Variants in ITGAV observed in about 807,000 individuals in gnomAD.
ITGAV encodes integrin alpha-V.
Under a neutral mutation model 143.8 loss-of-function variants are expected in ITGAV, and 76 were observed. That is an observed-to-expected ratio of 0.53 (90% confidence interval 0.44 to 0.64). ITGAV has a LOEUF of 0.64. Ranked by LOEUF, ITGAV falls within the 30% of genes least tolerant of loss-of-function variation. ITGAV has a pLI of 0.00. For synonymous variants in ITGAV, 453 were observed against 446.7 expected (o/e 1.01, Z -0.18); for missense variants, 1,193 against 1,274.7 (o/e 0.94, Z 0.98).
rs141680195 is a variant in ITGAV at position 186,652,620 on chromosome 2, G to A, written c.1505+531G>A. ...TTTTAAAGAATTATGCGTGGTCAATGAATATTTTCAAAAAGAAAGAAAAGC... is the reference window on the plus strand; with the variant it reads ...TTTTAAAGAATTATGCGTGGTCAATAAATATTTTCAAAAAGAAAGAAAAGC... On this transcript the variant is annotated intron_variant, in intron 15 of 29. Coordinates refer to ENST00000261023, the MANE Select transcript of ITGAV (RefSeq NM_002210.5). 2.5e-3 allele frequency among the ~76,000 whole-genome samples: 383 copies of A among 152,170 alleles called. 3 individuals carry two copies. The highest frequency in any genetic ancestry group is 8.5e-3 in the African/African-American group (353 of 41,520).
At chr2:186,598,224 A>AT (rs1486990945) in intron 1 of ITGAV, among the ~76,000 whole-genome samples, 4 of 151,424 alleles carry the variant, frequency 2.6e-5, no homozygotes, top group African/African-American at 9.7e-5. Context: ...TAGTTGTGTG[A>AT]TTTTGGGGTC....
intron 2 of ITGAV, among the ~76,000 whole-genome samples, chr2:186,603,668 T>G (rs572884591): frequency 2.6e-5 from 4 of 152,312 alleles, no homozygotes; most frequent in African/African-American, 9.6e-5. Flanking sequence ...AGTTTAGATT[T>G]TGATAGGTCG....
At chr2:186,649,960 T>A (rs956411241) in intron 14 of ITGAV, 75 bp downstream of exon 14, 14 of 989,850 alleles carry the variant, frequency 1.4e-5, no homozygotes, top group Non-Finnish European at 2.1e-5. Context: ...GTGTCAGTGT[T>A]TGAATTTTAG....
At chr2:186,625,633 G>A in intron 4 of ITGAV, 46 bp downstream of exon 4, 2 of 1,199,568 alleles carry the variant, frequency 1.7e-6, no homozygotes, top group Non-Finnish European at 2.4e-6. Flanking sequence ...GGGGTGGGAA[G>A]CCTAGTTTGT....
At chr2:186,612,337 T>C (rs1687238891) in intron 2 of ITGAV, among the ~76,000 whole-genome samples, 2 of 152,004 alleles carry the variant, frequency 1.3e-5, no homozygotes, top group Non-Finnish European at 2.9e-5. Context: ...AAAGTCTCTT[T>C]GCTTAGAAAT....
intron 12 of ITGAV, among the ~76,000 whole-genome samples, chr2:186,645,691 G>A (rs913854353): frequency 3.3e-5 from 5 of 152,138 alleles, no homozygotes; most frequent in Admixed American, 1.3e-4. Flanking sequence ...GTTTAAGGCC[G>A]GGCGCGTGGT....
At chr2:186,617,900 A>G (rs1017496972) in intron 2 of ITGAV, among the ~76,000 whole-genome samples, 4 of 152,082 alleles carry the variant, frequency 2.6e-5, no homozygotes, top group Middle Eastern at 3.2e-3. Context: ...GAGTTTCTGC[A>G]GTTGTCTGTG....
intron 7 of ITGAV, among the ~76,000 whole-genome samples, chr2:186,636,482 G>C (rs1687950282): frequency 6.6e-6 from 1 of 152,152 alleles, no homozygotes; most frequent in Non-Finnish European, 1.5e-5. Context: ...AAGGTGACTT[G>C]GTTTGTATTC....
chr2:186,609,151 T>C (rs1028008405), intron 2 of ITGAV, among the ~76,000 whole-genome samples: 5 of 152,122 alleles, frequency 3.3e-5, no homozygotes, highest in Non-Finnish European at 5.9e-5. Context: ...AAAGGGTGCC[T>C]TTTTCTCCTT....
At chr2:186,640,998 T>G in intron 11 of ITGAV, 31 bp downstream of exon 11, 1 of 1,502,756 alleles carries the variant, frequency 6.7e-7, no homozygotes, top group Non-Finnish European at 9.2e-7. Flanking sequence ...TTCCAGAAAG[T>G]TATCTTCTCA....
intron 1 of ITGAV, chr2:186,600,478 T>C (rs1686869836): frequency 6.8e-7 from 1 of 1,477,940 alleles, no homozygotes; most frequent in Non-Finnish European, 9.2e-7. Flanking sequence ...GACTTTCCTT[T>C]ACCTAGAGGA....
At chr2:186,603,866 T>C (rs1250779755) in intron 2 of ITGAV, among the ~76,000 whole-genome samples, 1 of 151,918 alleles carries the variant, frequency 6.6e-6, no homozygotes, top group Non-Finnish European at 1.5e-5. Context: ...CAATCACTTT[T>C]TTTTTTTTTT....
At chr2:186,603,848 C>T (rs1486729296) in intron 2 of ITGAV, among the ~76,000 whole-genome samples, 2 of 151,588 alleles carry the variant, frequency 1.3e-5, no homozygotes. Flanking sequence ...CATCAGTCTT[C>T]TCAGAAGCAA....
chr2:186,654,222 A>G (rs551478540), intron 15 of ITGAV, among the ~76,000 whole-genome samples: 1 of 152,092 alleles, frequency 6.6e-6, no homozygotes, highest in African/African-American at 2.4e-5. Context: ...AATCCCAGCT[A>G]CTTGGGAGGC....
Position 186,675,642 on chromosome 2 carries a change from A to G in ITGAV, c.2745A>G (p.Gln915=), listed in dbSNP as rs149499557. 2 of 1,614,110 alleles carry G rather than the reference A, an allele frequency of 1.2e-6. No homozygotes were observed. Among genetic ancestry groups the G allele is most frequent in the Non-Finnish European group, 1.7e-6 (2 of 1,179,978 alleles). The change falls in exon 27 of 30, where the codon CAA becomes CAG. Residue 915 remains glutamine (Q), a synonymous_variant. Coordinates refer to ENST00000261023, the MANE Select transcript of ITGAV (RefSeq NM_002210.5). ...CTCAGTGCTTGAAGATTGTCTGCCA[A>G]GTTGGGAGATTAGACAGAGGAAAGA... ...GVAQCLKIVC[Q]VGRLDRGKSA...
intron 15 of ITGAV, 42 bp from the exon 16 acceptor site, chr2:186,654,608 A>C (rs1688531968): frequency 9.9e-7 from 1 of 1,012,974 alleles, no homozygotes; most frequent in East Asian, 2.4e-5. Flanking sequence ...ATATGTCTAA[A>C]CTGAATTATA....
rs532651553 is a variant in ITGAV, at chr2:186,636,327, A to G, written c.757+120A>G. 5.3e-6 allele frequency: 4 copies of G among 752,696 alleles called. No individual in the cohort carries two copies. In the South Asian group the frequency reaches 8.3e-5, roughly 16 times the overall value. 46.6% of individuals were successfully genotyped at this position (752,696 alleles called of 1,614,324 possible). On this transcript the variant is annotated intron_variant, in intron 7 of 29. Coordinates refer to ENST00000261023, the MANE Select transcript of ITGAV (RefSeq NM_002210.5). ...AATAGATTAGGATTTTTTGAAACAT[A>G]CAGAATATACAATTTCAAATTGTTA...
At chr2:186,632,889 C>A (rs561340882) in intron 5 of ITGAV, among the ~76,000 whole-genome samples, 28 of 151,856 alleles carry the variant, frequency 1.8e-4, no homozygotes, top group African/African-American at 6.3e-4. Context: ...TAAAATGTTT[C>A]TTTTAAATTT....
At chr2:186,598,371 C>G (rs549399633) in intron 1 of ITGAV, among the ~76,000 whole-genome samples, 1 of 150,156 alleles carries the variant, frequency 6.7e-6, no homozygotes, top group Admixed American at 6.7e-5. Flanking sequence ...GAAAAAGAAC[C>G]GATGGGGTTT....
Sources: allele counts gnomAD v4.1 joint callset (sites outside exome capture counted in the v4.1 genomes callset), GRCh38; gene constraint gnomAD v4.1.1; transcripts MANE v1.5; gene names NCBI Gene and HGNC (gene_info 2026-07-23, HGNC 2026-07-21).